Variants in KIF6 observed in about 807,000 individuals in gnomAD.
KIF6 encodes the protein kinesin family member 6.
KIF6 carries 106 observed loss-of-function variants against 112.7 expected under a neutral mutation model. That is an observed-to-expected ratio of 0.94 (90% CI 0.80 to 1.11). The LOEUF is 1.11. KIF6 is among the 50% of genes least tolerant of loss of function. The probability of loss-of-function intolerance (pLI) is 0.00; values close to 1 mark genes in which losing one functional copy is unlikely to be tolerated. For synonymous variants in KIF6, 339 were observed against 339.9 expected, an observed-to-expected ratio of 1.00 and a Z score of 0.03; for missense variants, 929 against 964.0, an observed-to-expected ratio of 0.96 and a Z score of 0.48.
chr6:39,339,279 G>A (rs1444340416), intron 22 of KIF6, among the ~76,000 whole-genome samples: 1 of 152,138 alleles, frequency 6.6e-6, no homozygotes, highest in African/African-American at 2.4e-5. Flanking sequence ...CTTTAATGGA[G>A]ATTATCTGGG....
intron 13 of KIF6, among the ~76,000 whole-genome samples, chr6:39,465,065 T>C (rs1236444026): frequency 2.0e-5 from 3 of 152,200 alleles, no homozygotes; most frequent in African/African-American, 7.2e-5. Context: ...TTTCCAAATA[T>C]TTATGGCACC....
At chr6:39,701,596 A>G (rs996959244) in intron 3 of KIF6, among the ~76,000 whole-genome samples, 2 of 152,236 alleles carry the variant, frequency 1.3e-5, no homozygotes, top group African/African-American at 4.8e-5. Context: ...TAAAATTGTT[A>G]AGAATTTCAA....
intron 13 of KIF6, among the ~76,000 whole-genome samples, chr6:39,480,961 A>G (rs142488327): frequency 1.3e-5 from 2 of 151,938 alleles, no homozygotes; most frequent in Non-Finnish European, 2.9e-5. Flanking sequence ...TTCTTGGTTA[A>G]TCTTGCAAAT....
chr6:39,429,646 A>C (rs139703490), intron 14 of KIF6, among the ~76,000 whole-genome samples: 3,734 of 152,308 alleles, frequency 0.025, 149 homozygotes, highest in African/African-American at 0.083. Context: ...GCAGTGGCTC[A>C]TGCCTGTAAT....
chr6:39,413,723 A>C (rs1176505649), intron 15 of KIF6, among the ~76,000 whole-genome samples: 1 of 152,094 alleles, frequency 6.6e-6, no homozygotes, highest in African/African-American at 2.4e-5. Flanking sequence ...GAGGGAGAGG[A>C]GAGGAGAGGA....
At position 39,670,068 on chromosome 6, in the gene KIF6, G is replaced by A. The variant is rs1443197808; in HGVS notation, c.252-30311C>T. The stretch of plus-strand genomic sequence containing the variant: ...AGAAGGTCCTTACACCCGTGACAAC[G>A]CCCTGAGCAGTCCATGAAGCTCTGC... On this transcript the variant is annotated intron_variant, in intron 3 of 22. Transcript: ENST00000287152. Among the ~76,000 whole-genome samples, 24 of 152,234 alleles carry A rather than the reference G, an allele frequency of 1.6e-4. 1 individual carries two copies. Among genetic ancestry groups the A allele is most frequent in the Admixed American group, 1.5e-3 (23 of 15,290 alleles).
chr6:39,353,964 G>T (rs1466824910), intron 19 of KIF6: 1 of 503,466 alleles, frequency 2.0e-6, no homozygotes, highest in South Asian at 1.7e-5. Flanking sequence ...TGCTACTGAG[G>T]GCACACTGAC....
chr6:39,401,808 T>G (rs1429451772), intron 15 of KIF6, among the ~76,000 whole-genome samples: 1 of 152,126 alleles, frequency 6.6e-6, no homozygotes, highest in African/African-American at 2.4e-5. Flanking sequence ...TTTCTTGTTT[T>G]TCATTATCCT....
At chr6:39,661,028 C>A (rs1175883462) in intron 3 of KIF6, among the ~76,000 whole-genome samples, 1 of 152,148 alleles carries the variant, frequency 6.6e-6, no homozygotes, top group Non-Finnish European at 1.5e-5. Flanking sequence ...ATTGGTCTTA[C>A]TTCCATAAGA....
intron 16 of KIF6, among the ~76,000 whole-genome samples, chr6:39,369,696 C>A (rs185492005): frequency 6.6e-6 from 1 of 152,130 alleles, no homozygotes; most frequent in African/African-American, 2.4e-5. Context: ...AGAGGGTCAG[C>A]GTGTACTAGG....
intron 5 of KIF6, among the ~76,000 whole-genome samples, chr6:39,614,814 T>C (rs1466504271): frequency 6.6e-6 from 1 of 152,192 alleles, no homozygotes; most frequent in Non-Finnish European, 1.5e-5. Flanking sequence ...ATTCTATTTT[T>C]AAAAACTCCC....
chr6:39,554,428 C>T (rs898911370), intron 10 of KIF6: 35 of 160,920 alleles, frequency 2.2e-4, no homozygotes, highest in South Asian at 8.5e-4. Flanking sequence ...GTGTCTATGC[C>T]GTCACCCTCC....
intron 3 of KIF6, among the ~76,000 whole-genome samples, chr6:39,644,748 T>C (rs1785080626): frequency 6.6e-6 from 1 of 152,160 alleles, no homozygotes. Context: ...TAATGGTGAT[T>C]GATGGTGGCA....
chr6:39,409,403 G>A (rs1769323270), intron 15 of KIF6, among the ~76,000 whole-genome samples: 1 of 152,208 alleles, frequency 6.6e-6, no homozygotes, highest in South Asian at 2.1e-4. Flanking sequence ...TTTTGTTCAT[G>A]AGATGCCTCA....
intron 13 of KIF6, among the ~76,000 whole-genome samples, chr6:39,445,133 C>T (rs770929430): frequency 3.3e-5 from 5 of 152,164 alleles, no homozygotes; most frequent in Admixed American, 1.3e-4. Flanking sequence ...ATCTGTACAG[C>T]GATTGTACTC....
chr6:39,470,831 T>C (rs1774080734), intron 13 of KIF6, among the ~76,000 whole-genome samples: 1 of 147,860 alleles, frequency 6.8e-6, no homozygotes, highest in Non-Finnish European at 1.5e-5. Context: ...GCACTCACTG[T>C]CTGTATTCCT....
intron 1 of KIF6, among the ~76,000 whole-genome samples, chr6:39,723,208 T>C (rs770373521): frequency 5.9e-5 from 9 of 152,236 alleles, no homozygotes; most frequent in Non-Finnish European, 1.3e-4. Context: ...TACACCACTT[T>C]ATTCCTGTTT....
At chr6:39,428,867 C>T (rs1463426314) in intron 14 of KIF6, among the ~76,000 whole-genome samples, 1 of 152,242 alleles carries the variant, frequency 6.6e-6, no homozygotes, top group Non-Finnish European at 1.5e-5. Context: ...CGGCATTATT[C>T]TACCTGTCTA....
chr6:39,417,172 C>T (rs776830241), intron 15 of KIF6, among the ~76,000 whole-genome samples: 1 of 152,176 alleles, frequency 6.6e-6, no homozygotes, highest in East Asian at 1.9e-4. Context: ...TTCCACCTTC[C>T]TCCTCCTTAG....
Sources: allele counts gnomAD v4.1 joint callset (sites outside exome capture counted in the v4.1 genomes callset), GRCh38; gene constraint gnomAD v4.1.1; transcripts MANE v1.5; gene names NCBI Gene and HGNC (gene_info 2026-07-23, HGNC 2026-07-21).